Variants in SFRP1 observed in about 807,000 individuals in gnomAD.
SFRP1 encodes the protein secreted frizzled related protein 1.
A neutral mutation model predicts 25.9 loss-of-function variants in SFRP1; 9 were observed. The ratio of observed to expected loss-of-function variants is 0.35; its 90% CI spans 0.21 to 0.61. The LOEUF (loss-of-function observed/expected upper bound fraction) is 0.61, where lower values mean the gene tolerates loss of function less well. SFRP1 is among the 20% of genes least tolerant of loss of function. The probability of loss-of-function intolerance (pLI) is 0.78; values close to 1 mark genes in which losing one functional copy is unlikely to be tolerated. For synonymous variants in SFRP1, 178 were observed against 174.0 expected (o/e 1.02, Z -0.18); for missense variants, 346 against 418.2 (o/e 0.83, Z 1.51).
intron 2 of SFRP1, among the ~76,000 whole-genome samples, chr8:41,283,504 C>T (rs983930456): frequency 6.6e-6 from 1 of 151,360 alleles, no homozygotes; most frequent in African/African-American, 2.4e-5. Context: ...CCAAAGTCAG[C>T]GGCTGAACTT....
intron 2 of SFRP1, among the ~76,000 whole-genome samples, chr8:41,297,718 G>GTC (rs1246377700): frequency 6.6e-6 from 1 of 151,860 alleles, no homozygotes; most frequent in Non-Finnish European, 1.5e-5. Flanking sequence ...TATAGGGTAG[G>GTC]GATTTAATCC....
At chr8:41,290,866 C>A (rs1803767535) in intron 2 of SFRP1, among the ~76,000 whole-genome samples, 1 of 106,240 alleles carries the variant, frequency 9.4e-6, no homozygotes. Flanking sequence ...TCTTTGTCTT[C>A]TTCTCCTCCT....
At chr8:41,273,612 A>C (rs1803537858) in intron 2 of SFRP1, among the ~76,000 whole-genome samples, 1 of 152,240 alleles carries the variant, frequency 6.6e-6, no homozygotes. Context: ...ACATCATCTC[A>C]CTTACCTATT....
chr8:41,281,935 A>G (rs1803639033), intron 2 of SFRP1, among the ~76,000 whole-genome samples: 3 of 152,208 alleles, frequency 2.0e-5, no homozygotes, highest in Admixed American at 2.0e-4. Flanking sequence ...CAAATAAACA[A>G]GTTTCAAAGG....
At chr8:41,288,346 CCAT>C (rs1455902668) in intron 2 of SFRP1, among the ~76,000 whole-genome samples, 4 of 151,352 alleles carry the variant, frequency 2.6e-5, no homozygotes, top group Non-Finnish European at 4.4e-5. Context: ...GACAGAGACT[CCAT>C]CTCCAAAAAA....
At chr8:41,301,183 A>T (rs1803911854) in intron 2 of SFRP1, among the ~76,000 whole-genome samples, 1 of 152,200 alleles carries the variant, frequency 6.6e-6, no homozygotes, top group Non-Finnish European at 1.5e-5. Context: ...CCTTCCAGCA[A>T]CCTGATGTCT....
At chr8:41,290,240 G>A (rs1051321341) in intron 2 of SFRP1, among the ~76,000 whole-genome samples, 7 of 152,140 alleles carry the variant, frequency 4.6e-5, no homozygotes, top group Admixed American at 3.9e-4. Flanking sequence ...ATAACCCCAC[G>A]TGCACAGAGG....
At position 41,303,301 on chromosome 8, in the gene SFRP1, T is replaced by C. The variant is rs117832322; in HGVS notation, c.622+160A>G. 4.6e-3 allele frequency among the ~76,000 whole-genome samples: 701 copies of C among 151,874 alleles called. 2 individuals carry two copies. Among genetic ancestry groups the C allele is most frequent in the Middle Eastern group, 0.02 (6 of 294 alleles). ...CAAAACTGGCCGGTTCTGGACCCTG[T>C]CTAGTCTCCCATCTGCCTGAGAAAA... On this transcript the variant is annotated intron_variant, in intron 2 of 2. Transcript: ENST00000220772.
At chr8:41,277,238 G>T (rs1274593480) in intron 2 of SFRP1, among the ~76,000 whole-genome samples, 2 of 107,712 alleles carry the variant, frequency 1.9e-5, no homozygotes, top group Non-Finnish European at 4.1e-5. Context: ...CCACCATCCT[G>T]CACTGGAGGG....
chr8:41,294,526 A>T (rs1271732469), intron 2 of SFRP1, among the ~76,000 whole-genome samples: 1 of 152,196 alleles, frequency 6.6e-6, no homozygotes, highest in African/African-American at 2.4e-5. Context: ...TTTTCTCCCC[A>T]CTGCCAAAGT....
chr8:41,303,052 TAAAAAAAA>T (rs397891660), intron 2 of SFRP1, among the ~76,000 whole-genome samples: 1 of 101,214 alleles, frequency 9.9e-6, no homozygotes, highest in Non-Finnish European at 2.0e-5. Context: ...GGGTAGATGT[TAAAAAAAA>T]AAAAAAAAAA....
chr8:41,284,885 C>G (rs545361054), intron 2 of SFRP1, among the ~76,000 whole-genome samples: 2 of 152,354 alleles, frequency 1.3e-5, no homozygotes, highest in Admixed American at 6.5e-5. Flanking sequence ...GGAGAAAGTA[C>G]AGAGTCAGTG....
chr8:41,295,824 C>A (rs1034890837), intron 2 of SFRP1, among the ~76,000 whole-genome samples: 9 of 152,050 alleles, frequency 5.9e-5, no homozygotes, highest in Non-Finnish European at 1.0e-4. Context: ...TGCCCTGGCC[C>A]CAGCTCCCAG....
intron 1 of SFRP1, among the ~76,000 whole-genome samples, chr8:41,303,835 G>T (rs374182093): frequency 6.6e-6 from 1 of 152,188 alleles, no homozygotes; most frequent in African/African-American, 2.4e-5. Flanking sequence ...CTTGTGGGGC[G>T]CTGTGAGTGC....
chr8:41,292,351 C>A (rs747398557), intron 2 of SFRP1, among the ~76,000 whole-genome samples: 1 of 152,140 alleles, frequency 6.6e-6, no homozygotes, highest in African/African-American at 2.4e-5. Flanking sequence ...ACCATAGAGG[C>A]AGTTTCCCCC....
chr8:41,303,368 T>C (rs942651826), intron 2 of SFRP1, 93 bp downstream of exon 2: 1 of 899,332 alleles, frequency 1.1e-6, no homozygotes, highest in African/African-American at 1.6e-5. Flanking sequence ...TATGGAAAGC[T>C]GCAACGAGAT....
chr8:41,265,660 T>A (rs1350769465), intron 2 of SFRP1, among the ~76,000 whole-genome samples, 171 bp from the exon 3 acceptor site: 1 of 152,116 alleles, frequency 6.6e-6, no homozygotes, highest in Non-Finnish European at 1.5e-5. Context: ...GGGGCACAGG[T>A]GCAGAGTTGG....
At chr8:41,291,077 T>C (rs1031742921) in intron 2 of SFRP1, among the ~76,000 whole-genome samples, 1 of 151,370 alleles carries the variant, frequency 6.6e-6, no homozygotes, top group Non-Finnish European at 1.5e-5. Context: ...CCGCTATTTT[T>C]TTTTGTATTT....
At chr8:41,302,103 A>G (rs1447857555) in intron 2 of SFRP1, among the ~76,000 whole-genome samples, 1 of 152,208 alleles carries the variant, frequency 6.6e-6, no homozygotes, top group East Asian at 1.9e-4. Flanking sequence ...CTCAATCTGT[A>G]TCTATAGAAC....
Sources: gnomAD v4.1 joint callset for allele counts (sites outside exome capture counted in the v4.1 genomes callset) on GRCh38, gnomAD v4.1.1 for gene constraint, MANE v1.5 for transcripts, NCBI Gene and HGNC (gene_info 2026-07-23, HGNC 2026-07-21) for gene names.